ETS1: variants seen among roughly 807,000 people sequenced by gnomAD.
ETS1 encodes ETS proto-oncogene 1, transcription factor, also known as protein C-ets-1.
ETS1 carries 15 observed loss-of-function variants against 58.6 expected under a neutral mutation model. The ratio of observed to expected loss-of-function variants is 0.26; its 90% CI spans 0.17 to 0.39. The LOEUF (loss-of-function observed/expected upper bound fraction) is 0.39. ETS1 is among the 10% of genes least tolerant of loss of function. The probability of loss-of-function intolerance (pLI) is 1.00; values close to 1 mark genes in which losing one functional copy is unlikely to be tolerated. For synonymous variants in ETS1, 214 were observed against 218.2 expected, an observed-to-expected ratio of 0.98 and a Z score of 0.17; for missense variants, 417 against 610.5, an observed-to-expected ratio of 0.68 and a Z score of 3.34.
chr11:128,518,123 C>T (rs1258473693), intron 3 of ETS1, among the ~76,000 whole-genome samples: 1 of 152,186 alleles, frequency 6.6e-6, no homozygotes, highest in Non-Finnish European at 1.5e-5. Context: ...TGGCAACCCC[C>T]TCCCTGTGCC....
intron 1 of ETS1, among the ~76,000 whole-genome samples, chr11:128,584,784 C>T (rs972904592): frequency 1.3e-5 from 2 of 151,256 alleles, no homozygotes; most frequent in African/African-American, 4.9e-5. Context: ...CACTAAATTG[C>T]TGCATACCAC....
At chr11:128,540,899 A>G (rs891557571) in intron 3 of ETS1, among the ~76,000 whole-genome samples, 1 of 152,296 alleles carries the variant, frequency 6.6e-6, no homozygotes, top group Middle Eastern at 3.4e-3. Flanking sequence ...CACAGGAGAG[A>G]GAAGAAAGAA....
chr11:128,572,848 T>C (rs1864664323), intron 2 of ETS1, among the ~76,000 whole-genome samples: 1 of 152,208 alleles, frequency 6.6e-6, no homozygotes, highest in South Asian at 2.1e-4. Flanking sequence ...TAAAACTTCT[T>C]CAGCAAATCC....
intron 1 of ETS1, among the ~76,000 whole-genome samples, chr11:128,582,951 A>T (rs1349437977): frequency 6.6e-6 from 1 of 151,550 alleles, no homozygotes; most frequent in East Asian, 1.9e-4. Flanking sequence ...TTGTTTGTTC[A>T]TTTTTTTCAT....
At chr11:128,564,181 A>T (rs915349357) in intron 2 of ETS1, among the ~76,000 whole-genome samples, 1 of 152,242 alleles carries the variant, frequency 6.6e-6, no homozygotes. Flanking sequence ...GGCAAACAGA[A>T]CCACTCCCCA....
At chr11:128,489,201 C>T (rs1862725711) in intron 5 of ETS1, 89 bp downstream of exon 5, 1 of 1,075,992 alleles carries the variant, frequency 9.3e-7, no homozygotes, top group Non-Finnish European at 1.4e-6. Flanking sequence ...CAGATAAAGG[C>T]ATTGACGTCC....
Position 128,466,217 on chromosome 11 carries a change from A to G in ETS1, c.1124-2590T>C, listed in dbSNP as rs1425617989. ...CCTCTTGTGGTAGCCATTATGTTAC[A>G]TTACTTCATTGTTTCTCCTTCCCAA... is the stretch of plus-strand genomic sequence containing the variant. On this transcript the variant is annotated intron_variant, in intron 8 of 9. Transcript: ENST00000392668. Among the ~76,000 whole-genome samples, 3 of 152,152 alleles carry G rather than the reference A, an allele frequency of 2.0e-5. No individual in the cohort carries two copies. In the East Asian group the frequency reaches 5.8e-4, roughly 29 times the overall value.
chr11:128,545,418 T>C (rs1186112758), intron 3 of ETS1, among the ~76,000 whole-genome samples: 1 of 152,204 alleles, frequency 6.6e-6, no homozygotes. Context: ...AATATTTACA[T>C]TTAATTACCA....
At chr11:128,544,817 C>T (rs1282756975) in intron 3 of ETS1, among the ~76,000 whole-genome samples, 1 of 152,140 alleles carries the variant, frequency 6.6e-6, no homozygotes, top group Non-Finnish European at 1.5e-5. Flanking sequence ...GATAGTAAAA[C>T]CCACAGGGAA....
At chr11:128,553,730 G>A (rs1275939412) in intron 3 of ETS1, among the ~76,000 whole-genome samples, 1 of 151,314 alleles carries the variant, frequency 6.6e-6, no homozygotes, top group African/African-American at 2.4e-5. Flanking sequence ...CTGCCCCTTC[G>A]TGAATAGGAA....
rs185878845 is a variant in ETS1 at position 128,556,670 on chromosome 11, G to A, written c.70-235C>T. On this transcript the variant is annotated intron_variant, in intron 2 of 9. Coordinates refer to ENST00000392668, the MANE Select transcript of ETS1 (RefSeq NM_001143820.2). Reference sequence around the variant, plus strand: ...AATTTATCTTCCTCCATTTCTTCAAGTGTTTAAGGACTACCTTTTCTGGCC... The same window carrying A: ...AATTTATCTTCCTCCATTTCTTCAAATGTTTAAGGACTACCTTTTCTGGCC... Among the ~76,000 whole-genome samples the A allele has an allele frequency of 2.6e-3, 394 of 152,284 alleles. 1 individual carries two copies. Among genetic ancestry groups the A allele is most frequent in the African/African-American group, 9.1e-3 (377 of 41,542 alleles).
intron 3 of ETS1, chr11:128,521,844 G>A: frequency 7.8e-7 from 1 of 1,283,708 alleles, no homozygotes; most frequent in Non-Finnish European, 1.1e-6. Context: ...GCGAAAGGGG[G>A]AAGAAGTCCA....
chr11:128,494,249 G>A (rs117265447), intron 3 of ETS1, among the ~76,000 whole-genome samples: 9 of 152,258 alleles, frequency 5.9e-5, no homozygotes, highest in Middle Eastern at 3.4e-3. Context: ...TAAACACAAC[G>A]CACTGGAAAA....
chr11:128,572,449 T>C (rs1325670054), intron 2 of ETS1: 2 of 152,368 alleles, frequency 1.3e-5, no homozygotes, highest in South Asian at 2.1e-4. Flanking sequence ...AATATCAACA[T>C]TATAAGATCC....
intron 3 of ETS1, among the ~76,000 whole-genome samples, chr11:128,535,375 G>A (rs1295507582): frequency 6.6e-6 from 1 of 152,154 alleles, no homozygotes; most frequent in African/African-American, 2.4e-5. Flanking sequence ...CATTCTGTAG[G>A]TTGTCTGTTC....
intron 3 of ETS1, chr11:128,497,561 T>C (rs1266802184): frequency 5.1e-6 from 5 of 983,668 alleles, no homozygotes; most frequent in Non-Finnish European, 6.0e-6. Flanking sequence ...TCCTGAGGAT[T>C]TGGTGACTCA....
At chr11:128,534,617 C>T (rs1383582447) in intron 3 of ETS1, among the ~76,000 whole-genome samples, 1 of 152,160 alleles carries the variant, frequency 6.6e-6, no homozygotes, top group Non-Finnish European at 1.5e-5. Context: ...TGTTGTTCCT[C>T]TCCCTGTGTC....
At chr11:128,541,604 C>CTTTTG (rs941639303) in intron 3 of ETS1, among the ~76,000 whole-genome samples, 5 of 152,146 alleles carry the variant, frequency 3.3e-5, no homozygotes, top group Non-Finnish European at 7.4e-5. Context: ...GTGTTGTTTT[C>CTTTTG]TTTTGTTTTG....
intron 2 of ETS1, among the ~76,000 whole-genome samples, chr11:128,567,477 CA>C (rs142137466): frequency 0.015 from 2,300 of 152,220 alleles, 60 homozygotes; most frequent in African/African-American, 0.052. Flanking sequence ...CATAAATTCA[CA>C]AGTCAAAAAA....
Sources: allele counts gnomAD v4.1 joint callset (sites outside exome capture counted in the v4.1 genomes callset), GRCh38; gene constraint gnomAD v4.1.1; transcripts MANE v1.5; gene names NCBI Gene and HGNC (gene_info 2026-07-23, HGNC 2026-07-21).